DLGAP1: variants seen among roughly 807,000 people sequenced by gnomAD.
DLGAP1 encodes the protein disks large-associated protein 1.
A neutral mutation model predicts 90.8 loss-of-function variants in DLGAP1; 11 were observed. The observed-to-expected ratio is 0.12, with a 90% CI of 0.08 to 0.20. DLGAP1 has a LOEUF of 0.20. Among genes scored for constraint, DLGAP1 ranks in the 10% least tolerant of loss-of-function variants. The pLI is 1.00. For synonymous variants in DLGAP1, 558 were observed against 540.7 expected, an observed-to-expected ratio of 1.03 and a Z score of -0.44; for missense variants, 1,050 against 1,333.8, an observed-to-expected ratio of 0.79 and a Z score of 3.31.
At chr18:3,664,183 TACACACACACACACACACACAC>T (rs35653599) in intron 7 of DLGAP1, among the ~76,000 whole-genome samples, 2 of 135,662 alleles carry the variant, frequency 1.5e-5, no homozygotes, top group South Asian at 4.6e-4. Context: ...TGGGTCAGTA[TACACACACACACACACACACAC>T]ACACACACAC....
chr18:4,089,776 T>G (rs375693826), intron 2 of DLGAP1, among the ~76,000 whole-genome samples: 10 of 152,226 alleles, frequency 6.6e-5, no homozygotes, highest in Non-Finnish European at 1.5e-5. Flanking sequence ...CCGGGCACGG[T>G]GGCTCACGCC....
At chr18:4,138,143 T>C (rs1238879590) in intron 2 of DLGAP1, among the ~76,000 whole-genome samples, 1 of 152,154 alleles carries the variant, frequency 6.6e-6, no homozygotes, top group East Asian at 1.9e-4. Context: ...TCCAGTAATA[T>C]GTTGAATAAC....
chr18:3,818,162 C>T (rs1335869158), intron 4 of DLGAP1, among the ~76,000 whole-genome samples: 1 of 152,136 alleles, frequency 6.6e-6, no homozygotes, highest in Non-Finnish European at 1.5e-5. Flanking sequence ...AGCACTCCAA[C>T]AGAGATCTTA....
intron 5 of DLGAP1, among the ~76,000 whole-genome samples, chr18:3,805,142 T>A (rs1008549776): frequency 2.6e-5 from 4 of 152,230 alleles, no homozygotes; most frequent in African/African-American, 7.2e-5. Flanking sequence ...GTGGAGCAAC[T>A]ACTGTGTGCC....
At chr18:4,249,375 G>A (rs747684674) in intron 1 of DLGAP1, among the ~76,000 whole-genome samples, 1 of 147,846 alleles carries the variant, frequency 6.8e-6, no homozygotes, top group Non-Finnish European at 1.5e-5. Context: ...AAAAGAGCAA[G>A]AGTGCACCTG....
chr18:4,454,750 A>G lies in DLGAP1; in HGVS notation c.-267+256T>C, dbSNP rs1234396470. Among the ~76,000 whole-genome samples, 1 of 151,858 alleles carries G rather than the reference A, an allele frequency of 6.6e-6. No homozygotes were observed. Among genetic ancestry groups the G allele is most frequent in the African/African-American group, 2.4e-5 (1 of 41,374 alleles). On this transcript the variant is annotated intron_variant, in intron 1 of 12. Transcript: ENST00000315677. This position sits in a 1 kb window ranked among gnomAD's most constrained non-coding sequence, Gnocchi z 4.7. ...GCCTGGGTCCCCGTGGGGAGCCGCG[A>G]GGACCGCATGGCCGGAGAGGACGCG...
chr18:4,380,653 A>G (rs2082096096), intron 1 of DLGAP1, among the ~76,000 whole-genome samples: 1 of 152,160 alleles, frequency 6.6e-6, no homozygotes, highest in East Asian at 1.9e-4. Context: ...TTTAATCTTT[A>G]CCAAACTCTG....
intron 1 of DLGAP1, among the ~76,000 whole-genome samples, chr18:4,189,358 AAAGTAT>A (rs1333938124): frequency 6.6e-6 from 1 of 152,182 alleles, no homozygotes; most frequent in Non-Finnish European, 1.5e-5. Context: ...TTGTAGCTTA[AAAGTAT>A]AAGTCTTAAT....
At position 3,568,669 on chromosome 18, in the gene DLGAP1, A is replaced by G. The variant is rs1257251532; in HGVS notation, c.1966-1088T>C. Among the ~76,000 whole-genome samples, 4 of 152,050 alleles carry G rather than the reference A, an allele frequency of 2.6e-5. No individual in the cohort carries two copies. In the South Asian group the frequency reaches 6.2e-4, roughly 24 times the overall value. The stretch of plus-strand genomic sequence containing the variant: ...TCTATCTTTATATATATGTCTAAAT[A>G]TATATATTTAAATTTTTGTTTGTTT... On this transcript the variant is annotated intron_variant, in intron 8 of 12. Transcript: ENST00000315677.
intron 3 of DLGAP1, among the ~76,000 whole-genome samples, chr18:4,003,022 G>A (rs920267419): frequency 1.3e-5 from 2 of 152,174 alleles, no homozygotes; most frequent in African/African-American, 4.8e-5. Context: ...GTGATTACTA[G>A]GCTACAGGAC....
chr18:3,991,804 T>C, intron 3 of DLGAP1, among the ~76,000 whole-genome samples: 1 of 152,240 alleles, frequency 6.6e-6, no homozygotes, highest in Non-Finnish European at 1.5e-5. Context: ...ACATATAGAA[T>C]TTTTCAGTGT....
chr18:3,580,335 C>T (rs962723816), intron 8 of DLGAP1: 45 of 1,613,884 alleles, frequency 2.8e-5, no homozygotes, highest in Middle Eastern at 1.7e-4. Context: ...TTTCAGTGCG[C>T]GAAATGTAGT....
chr18:3,508,271 A>G (rs2050355543), intron 11 of DLGAP1, among the ~76,000 whole-genome samples: 1 of 152,242 alleles, frequency 6.6e-6, no homozygotes, highest in African/African-American at 2.4e-5. Context: ...GATAAGAACA[A>G]TAAAATCAGA....
At position 3,738,379 on chromosome 18, in the gene DLGAP1, A is replaced by G. The variant is rs1490073365; in HGVS notation, c.1350+3956T>C. On this transcript the variant is annotated intron_variant, in intron 6 of 12. Coordinates refer to ENST00000315677, the MANE Select transcript of DLGAP1 (RefSeq NM_004746.4). ...ACACTATCTGACTTCAAACTATACTACAAGGCTACAGTAACCAAAACAGCA... is the reference window on the plus strand; with the variant it reads ...ACACTATCTGACTTCAAACTATACTGCAAGGCTACAGTAACCAAAACAGCA... Among the ~76,000 whole-genome samples the G allele has an allele frequency of 1.4e-3, 202 of 148,116 alleles. 1 individual carries two copies. The highest frequency in any genetic ancestry group is 5.1e-3 in the African/African-American group (195 of 37,888).
intron 4 of DLGAP1, among the ~76,000 whole-genome samples, chr18:3,832,691 G>T (rs1396341864): frequency 1.3e-5 from 2 of 150,778 alleles, no homozygotes; most frequent in African/African-American, 4.9e-5. Flanking sequence ...TCCCAGGAGG[G>T]AACATAATTC....
At chr18:4,395,993 C>T (rs1159599749) in intron 1 of DLGAP1, among the ~76,000 whole-genome samples, 1 of 152,062 alleles carries the variant, frequency 6.6e-6, no homozygotes, top group Non-Finnish European at 1.5e-5. Flanking sequence ...AAATATGCAC[C>T]CTGTAGAATA....
At chr18:4,278,063 T>C (rs908969263) in intron 1 of DLGAP1, among the ~76,000 whole-genome samples, 1 of 152,110 alleles carries the variant, frequency 6.6e-6, no homozygotes, top group African/African-American at 2.4e-5. Flanking sequence ...CTTTGGCTCT[T>C]TTTTATTATT....
intron 3 of DLGAP1, among the ~76,000 whole-genome samples, chr18:3,929,285 C>T (rs550540441): frequency 5.9e-5 from 9 of 152,268 alleles, no homozygotes; most frequent in East Asian, 1.9e-4. Context: ...CAAGAGCTCA[C>T]GGTCTAAAGC....
chr18:3,998,862 A>G (rs1450828798), intron 3 of DLGAP1, among the ~76,000 whole-genome samples: 1 of 152,186 alleles, frequency 6.6e-6, no homozygotes, highest in Non-Finnish European at 1.5e-5. Flanking sequence ...TTATGATAAC[A>G]TTCCGCTAAA....
Sources: gnomAD v4.1 joint callset for allele counts (sites outside exome capture counted in the v4.1 genomes callset) on GRCh38, gnomAD v4.1.1 for gene constraint, Gnocchi (gnomAD v3.1) non-coding constraint, MANE v1.5 for transcripts, NCBI Gene and HGNC (gene_info 2026-07-23, HGNC 2026-07-21) for gene names.